The following ATXN7L1 variants were observed in gnomAD, a reference collection of about 807,000 sequenced individuals.
ATXN7L1 encodes the protein ataxin-7-like protein 1.
A neutral mutation model predicts 70.8 loss-of-function variants in ATXN7L1; 15 were observed. The observed-to-expected ratio is 0.21, with a 90% CI of 0.14 to 0.33. The LOEUF is 0.33. Among genes scored for constraint, ATXN7L1 ranks in the 10% least tolerant of loss-of-function variants. The pLI is 1.00. For synonymous variants in ATXN7L1, 440 were observed against 445.1 expected, an observed-to-expected ratio of 0.99 and a Z score of 0.14; for missense variants, 975 against 1,097.1, an observed-to-expected ratio of 0.89 and a Z score of 1.57.
chr7:105,735,117 T>C lies in ATXN7L1; in HGVS notation c.355+53487A>G, dbSNP rs1235234294. 1.3e-5 allele frequency among the ~76,000 whole-genome samples: 2 copies of C among 152,184 alleles called. 1 individual carries two copies. Among genetic ancestry groups the C allele is most frequent in the Admixed American group, 1.3e-4 (2 of 15,276 alleles). On this transcript the variant is annotated intron_variant, in intron 3 of 11. Coordinates refer to ENST00000419735, the MANE Select transcript of ATXN7L1 (RefSeq NM_020725.2). ...AGGGCTAAAACAATTTCAAATTAAA[T>C]ACCTCGAAGAAATCCTTTTTTCCTC... is the stretch of plus-strand genomic sequence containing the variant.
intron 3 of ATXN7L1, among the ~76,000 whole-genome samples, chr7:105,719,912 G>A (rs949127877): frequency 2.0e-5 from 3 of 152,194 alleles, no homozygotes; most frequent in African/African-American, 7.2e-5. Context: ...AAGTTGCAAT[G>A]CCAGGGCCTA....
At position 105,807,243 on chromosome 7, in the gene ATXN7L1, C is replaced by T. The variant is rs1807747362; in HGVS notation, c.251-18535G>A. On this transcript the variant is annotated intron_variant, in intron 2 of 11. Coordinates refer to ENST00000419735, the MANE Select transcript of ATXN7L1 (RefSeq NM_020725.2). ...GTCCTGAAGAACCTCATGAGGGAAA[C>T]TTGACCAGACCCAGCTTAGAGGTGA... 2.6e-5 allele frequency among the ~76,000 whole-genome samples: 4 copies of T among 152,364 alleles called. No individual in the cohort carries two copies. The South Asian group carries it at 8.3e-4, about 32-fold the overall frequency.
intron 2 of ATXN7L1, among the ~76,000 whole-genome samples, chr7:105,820,981 G>A (rs1244272161): frequency 2.0e-5 from 3 of 152,194 alleles, no homozygotes; most frequent in African/African-American, 4.8e-5. Flanking sequence ...AGGTGTTGGT[G>A]CCATGCTTCC....
At chr7:105,713,431 A>G (rs544897062) in intron 3 of ATXN7L1, among the ~76,000 whole-genome samples, 11 of 152,230 alleles carry the variant, frequency 7.2e-5, no homozygotes, top group South Asian at 2.1e-4. Context: ...CCAGAGCCCA[A>G]TGCGTTGCAG....
chr7:105,716,107 G>C (rs780942412), intron 3 of ATXN7L1, among the ~76,000 whole-genome samples: 2 of 152,110 alleles, frequency 1.3e-5, no homozygotes, highest in Non-Finnish European at 2.9e-5. Context: ...GGCCACATCT[G>C]TCCTAAGCCA....
At chr7:105,679,090 G>A (rs1423611364) in intron 3 of ATXN7L1, 4 of 986,000 alleles carry the variant, frequency 4.1e-6, no homozygotes, top group Non-Finnish European at 4.8e-6. Flanking sequence ...GGATAAGGAG[G>A]CTGACACACG....
At chr7:105,687,864 A>G (rs1345111701) in intron 3 of ATXN7L1, among the ~76,000 whole-genome samples, 1 of 151,934 alleles carries the variant, frequency 6.6e-6, no homozygotes, top group African/African-American at 2.4e-5. Context: ...CCCACTGACC[A>G]TGAGACCCAC....
At chr7:105,675,230 A>G (rs930581077) in intron 3 of ATXN7L1, among the ~76,000 whole-genome samples, 4 of 152,360 alleles carry the variant, frequency 2.6e-5, no homozygotes, top group Admixed American at 1.3e-4. Context: ...TAAGAGAGTT[A>G]TCTCAACCTA....
At chr7:105,823,964 T>G (rs1039178572) in intron 2 of ATXN7L1, among the ~76,000 whole-genome samples, 2 of 151,718 alleles carry the variant, frequency 1.3e-5, no homozygotes, top group African/African-American at 4.8e-5. Flanking sequence ...ACTGGAGAAA[T>G]GGGTTAGAAG....
intron 2 of ATXN7L1, among the ~76,000 whole-genome samples, chr7:105,872,565 C>T (rs929090843): frequency 6.6e-6 from 1 of 152,130 alleles, no homozygotes; most frequent in Non-Finnish European, 1.5e-5. Flanking sequence ...AAACCAGATA[C>T]AAAAGGATAC....
intron 2 of ATXN7L1, among the ~76,000 whole-genome samples, chr7:105,802,468 G>A (rs975676341): frequency 6.6e-6 from 1 of 152,098 alleles, no homozygotes; most frequent in African/African-American, 2.4e-5. Flanking sequence ...ATACCACTGG[G>A]GAAACACAGA....
Position 105,620,300 on chromosome 7 carries a change from G to T in ATXN7L1, c.1417C>A (p.Leu473Ile). 1 of 1,549,850 alleles carries T rather than the reference G, an allele frequency of 6.5e-7. No individual in the cohort carries two copies. Among genetic ancestry groups the T allele is most frequent in the Non-Finnish European group, 8.7e-7 (1 of 1,146,484 alleles). ...PLAFCSFGSR[L>I]MGRGYYVFDR... is the part of the protein sequence containing the mutation. ...AACACATAGTACCCTCGTCCCATGA[G>T]GCGACTCCCAAATGAGCAAAACTGT... The change falls in exon 9 of 12, where the codon CTC becomes ATC. Residue 473 changes from leucine to isoleucine, a missense_variant. Around this residue, in one of 5 missense-constraint regions of ATXN7L1, gnomAD observed 635 missense variants for 699.4 expected, o/e 0.91. Coordinates refer to ENST00000419735, the MANE Select transcript of ATXN7L1 (RefSeq NM_020725.2).
chr7:105,686,516 C>A (rs1033459102), intron 3 of ATXN7L1, among the ~76,000 whole-genome samples: 1 of 152,054 alleles, frequency 6.6e-6, no homozygotes, highest in East Asian at 1.9e-4. Context: ...AAGTCCATCT[C>A]AAAACAAACA....
chr7:105,695,947 G>C (rs1791647845), intron 3 of ATXN7L1, among the ~76,000 whole-genome samples: 1 of 152,186 alleles, frequency 6.6e-6, no homozygotes, highest in Non-Finnish European at 1.5e-5. Flanking sequence ...GATGAATAGA[G>C]GTGTTTGTCA....
intron 3 of ATXN7L1, among the ~76,000 whole-genome samples, chr7:105,764,803 C>G (rs1463066185): frequency 6.6e-6 from 1 of 151,298 alleles, no homozygotes; most frequent in Non-Finnish European, 1.5e-5. Flanking sequence ...TTTTTTTTTC[C>G]AGGAACGATC....
At chr7:105,742,322 C>T (rs568721694) in intron 3 of ATXN7L1, among the ~76,000 whole-genome samples, 8 of 152,290 alleles carry the variant, frequency 5.3e-5, no homozygotes, top group South Asian at 4.1e-4. Flanking sequence ...ATGCCTGCAT[C>T]GGAGCAATAA....
At chr7:105,818,167 T>TA (rs1201937984) in intron 2 of ATXN7L1, among the ~76,000 whole-genome samples, 124 of 152,016 alleles carry the variant, frequency 8.2e-4, no homozygotes, top group African/African-American at 2.9e-3. Context: ...CTTTTCAAAT[T>TA]AAAAAAAAAT....
intron 7 of ATXN7L1, among the ~76,000 whole-genome samples, 158 bp downstream of exon 7, chr7:105,638,195 T>G (rs958565098): frequency 6.6e-6 from 1 of 152,226 alleles, no homozygotes; most frequent in African/African-American, 2.4e-5. Context: ...GGGCTGGGCC[T>G]CTTATGTACA....
At chr7:105,761,335 G>A in intron 3 of ATXN7L1, 2 of 1,613,264 alleles carry the variant, frequency 1.2e-6, no homozygotes, top group African/African-American at 1.3e-5. Flanking sequence ...CCAGTCCTCT[G>A]AGATCTTTCA....
Sources: gnomAD v4.1 joint callset for allele counts (sites outside exome capture counted in the v4.1 genomes callset) on GRCh38, gnomAD v4.1.1 for gene constraint, gnomAD v4.1.1 regional missense constraint, MANE v1.5 for transcripts, NCBI Gene and HGNC (gene_info 2026-07-23, HGNC 2026-07-21) for gene names.